Variants in MIPEP observed in about 807,000 individuals in gnomAD.
MIPEP encodes mitochondrial intermediate peptidase.
Under a neutral mutation model 90.3 loss-of-function variants are expected in MIPEP, and 79 were observed. That is an observed-to-expected ratio of 0.87 (90% confidence interval 0.73 to 1.05). The LOEUF (loss-of-function observed/expected upper bound fraction) is 1.05, where lower values mean the gene tolerates loss of function less well. MIPEP is among the 50% of genes least tolerant of loss of function. The probability of loss-of-function intolerance (pLI) is 0.00; values close to 1 mark genes in which losing one functional copy is unlikely to be tolerated. For synonymous variants in MIPEP, 334 were observed against 315.8 expected, an observed-to-expected ratio of 1.06 and a Z score of -0.61; for missense variants, 940 against 905.6, an observed-to-expected ratio of 1.04 and a Z score of -0.49.
intron 16 of MIPEP, among the ~76,000 whole-genome samples, chr13:23,793,303 G>A (rs1952919007): frequency 6.6e-6 from 1 of 152,212 alleles, no homozygotes; most frequent in Non-Finnish European, 1.5e-5. Flanking sequence ...TCACAGACAT[G>A]TTGTATAAAA....
At chr13:23,872,609 C>G (rs886452900) in intron 5 of MIPEP, among the ~76,000 whole-genome samples, 2 of 152,128 alleles carry the variant, frequency 1.3e-5, no homozygotes, top group Non-Finnish European at 2.9e-5. Flanking sequence ...CCTAGTGGAG[C>G]ACCTCTGAGA....
intron 9 of MIPEP, among the ~76,000 whole-genome samples, chr13:23,860,676 T>TTCAC (rs1480138367): frequency 2.0e-5 from 3 of 151,942 alleles, no homozygotes; most frequent in Non-Finnish European, 4.4e-5. Flanking sequence ...AATTCATTCA[T>TTCAC]TCATTATTCA....
At chr13:23,786,181 TAAGC>T (rs1210878305) in intron 16 of MIPEP, among the ~76,000 whole-genome samples, 3 of 152,134 alleles carry the variant, frequency 2.0e-5, no homozygotes, top group African/African-American at 7.2e-5. Flanking sequence ...GAGCCATGAC[TAAGC>T]CCCTGCATGC....
intron 16 of MIPEP, among the ~76,000 whole-genome samples, chr13:23,769,899 TAAG>T (rs1952631263): frequency 6.6e-6 from 1 of 152,030 alleles, no homozygotes; most frequent in Non-Finnish European, 1.5e-5. Flanking sequence ...GGTGGCTTTA[TAAG>T]AAGAGGAAGA....
At chr13:23,812,720 G>A (rs1346561454) in intron 14 of MIPEP, among the ~76,000 whole-genome samples, 1 of 152,138 alleles carries the variant, frequency 6.6e-6, no homozygotes, top group African/African-American at 2.4e-5. Flanking sequence ...GCTACCACTG[G>A]AGAAAACTGG....
intron 18 of MIPEP, among the ~76,000 whole-genome samples, chr13:23,735,671 T>C: frequency 6.6e-6 from 1 of 152,212 alleles, no homozygotes; most frequent in Non-Finnish European, 1.5e-5. Context: ...TATACACTTG[T>C]GGGCTTTTCT....
In MIPEP at chr13:23,837,684, T is replaced by C. The variant is rs1593182674; in HGVS notation, c.1411A>G (p.Met471Val). 6.2e-7 allele frequency: 1 copy of C among 1,614,152 alleles called. No individual in the cohort carries two copies. Among genetic ancestry groups the C allele is most frequent in the Non-Finnish European group, 8.5e-7 (1 of 1,179,988 alleles). ...GDYQLPVVVL[M>V]LNLPRSSRSS... The stretch of plus-strand genomic sequence containing the variant: ...CTTGAGGAACGGGGAAGATTCAGCA[T>C]AAGAACTACAACTGGGAGTTGATAG... Residue 471 changes from methionine to valine, a missense_variant, in exon 13 of 19, where the codon ATG becomes GTG. Coordinates refer to ENST00000382172, the MANE Select transcript of MIPEP (RefSeq NM_005932.4).
At chr13:23,775,436 C>T (rs1952704439) in intron 16 of MIPEP, among the ~76,000 whole-genome samples, 1 of 152,064 alleles carries the variant, frequency 6.6e-6, no homozygotes, top group Non-Finnish European at 1.5e-5. Context: ...CTCTTGATTC[C>T]TTATCCGCAG....
chr13:23,791,171 T>G (rs1403689743), intron 16 of MIPEP, among the ~76,000 whole-genome samples: 1 of 152,160 alleles, frequency 6.6e-6, no homozygotes, highest in African/African-American at 2.4e-5. Flanking sequence ...TGAATAACCC[T>G]CAGGTCCATG....
intron 7 of MIPEP, among the ~76,000 whole-genome samples, chr13:23,868,400 T>C (rs538877955): frequency 7.9e-5 from 12 of 152,096 alleles, no homozygotes; most frequent in African/African-American, 2.7e-4. Flanking sequence ...ATTGAGTGCA[T>C]TTAGAGAACT....
At chr13:23,831,383 C>CCGGGGGGGGGGG (rs58008469) in intron 14 of MIPEP, among the ~76,000 whole-genome samples, 2 of 40,846 alleles carry the variant, frequency 4.9e-5, no homozygotes, top group East Asian at 4.7e-4. Context: ...TTCCCCATGG[C>CCGGGGGGGGGGG]GGGGGGGGGA....
chr13:23,809,943 T>A lies in MIPEP; in HGVS notation c.1654-19A>T. ...GCAGTGGCTTGATAAAACAAAAGAA[T>A]ATATATGTGAGTAAACTGCGTAATA... On this transcript the variant is annotated intron_variant, in intron 14 of 18. Transcript: ENST00000382172. The A allele has an allele frequency of 6.4e-7, 1 of 1,555,394 alleles. No homozygotes were observed. Among genetic ancestry groups the A allele is most frequent in the Non-Finnish European group, 8.9e-7 (1 of 1,127,792 alleles).
chr13:23,803,460 C>T (rs1302990592), intron 16 of MIPEP, among the ~76,000 whole-genome samples: 2 of 152,154 alleles, frequency 1.3e-5, no homozygotes, highest in Non-Finnish European at 2.9e-5. Context: ...TTTCACATCT[C>T]GGTCTTTAAC....
intron 10 of MIPEP, among the ~76,000 whole-genome samples, chr13:23,854,819 G>C (rs536191137): frequency 6.6e-6 from 1 of 151,920 alleles, no homozygotes; most frequent in East Asian, 1.9e-4. Context: ...TTGAACCCAG[G>C]AGGCAGAGGT....
intron 12 of MIPEP, among the ~76,000 whole-genome samples, chr13:23,838,123 T>C (rs2137458016): frequency 6.6e-6 from 1 of 152,220 alleles, no homozygotes; most frequent in African/African-American, 2.4e-5. Context: ...AACTAGTAGG[T>C]ACTTTCCATG....
At chr13:23,781,742 A>G (rs952953085) in intron 16 of MIPEP, among the ~76,000 whole-genome samples, 1 of 152,206 alleles carries the variant, frequency 6.6e-6, no homozygotes, top group Non-Finnish European at 1.5e-5. Context: ...TAGACTCAAA[A>G]TAAAGGGATG....
chr13:23,813,355 G>T (rs1276808762), intron 14 of MIPEP, among the ~76,000 whole-genome samples: 1 of 152,144 alleles, frequency 6.6e-6, no homozygotes, highest in African/African-American at 2.4e-5. Context: ...AGGATACCAA[G>T]ATCTGTAGAT....
intron 18 of MIPEP, among the ~76,000 whole-genome samples, chr13:23,731,196 G>T (rs1952200641): frequency 6.6e-6 from 1 of 152,156 alleles, no homozygotes; most frequent in East Asian, 1.9e-4. Flanking sequence ...CTAACTGAAG[G>T]GTTGAACAGG....
chr13:23,742,855 T>C (rs1318776384), intron 18 of MIPEP, among the ~76,000 whole-genome samples: 1 of 152,216 alleles, frequency 6.6e-6, no homozygotes, highest in Non-Finnish European at 1.5e-5. Context: ...GATGGGGAAG[T>C]TCTGAAAATG....
Sources: gnomAD v4.1 joint callset for allele counts (sites outside exome capture counted in the v4.1 genomes callset) on GRCh38, gnomAD v4.1.1 for gene constraint, MANE v1.5 for transcripts, NCBI Gene and HGNC (gene_info 2026-07-23, HGNC 2026-07-21) for gene names.